The following PCTP variants were observed in gnomAD, a reference collection of about 807,000 sequenced individuals.
PCTP encodes START domain-containing protein 2.
PCTP carries 27 observed loss-of-function variants against 31.0 expected under a neutral mutation model. That is an observed-to-expected ratio of 0.87 (90% confidence interval 0.64 to 1.20). The LOEUF is 1.20. Ranked by LOEUF, PCTP falls within the 50% of genes most tolerant of loss-of-function variation. The probability of loss-of-function intolerance (pLI) is 0.00; values close to 1 mark genes in which losing one functional copy is unlikely to be tolerated. For missense variants in PCTP, 287 were observed against 268.2 expected (o/e 1.07, Z -0.49); for synonymous variants, 108 against 101.2 (o/e 1.07, Z -0.40).
chr17:55,775,947 C>T lies in PCTP; in HGVS notation c.580-88C>T, dbSNP rs538949386. On this transcript the variant is annotated intron_variant, in intron 5 of 5. Coordinates refer to ENST00000268896, the MANE Select transcript of PCTP (RefSeq NM_021213.4). The stretch of plus-strand genomic sequence containing the variant: ...CTATTCATTTTTGTTCGTCCTAAAG[C>T]CAACATTGTTTACCTTCTGCCACAT... 5 of 1,559,500 alleles carry T rather than the reference C, an allele frequency of 3.2e-6. No homozygotes were observed. In the African/African-American group the frequency reaches 6.9e-5, roughly 21 times the overall value.
At chr17:55,775,314 G>T in intron 5 of PCTP, 1 of 1,234,460 alleles carries the variant, frequency 8.1e-7, no homozygotes, top group Non-Finnish European at 1.0e-6. Context: ...CTATAAGGGA[G>T]GGAACTGCAG....
chr17:55,815,877 A>G (rs1912899002), intron 3 of PCTP, among the ~76,000 whole-genome samples: 1 of 152,112 alleles, frequency 6.6e-6, no homozygotes, highest in Non-Finnish European at 1.5e-5. Context: ...CAGAGACCTA[A>G]ACAAGACCTC....
chr17:55,851,949 A>G, the PCTP span, among the ~76,000 whole-genome samples: 136 of 152,016 alleles, frequency 8.9e-4, no homozygotes, highest in Non-Finnish European at 1.6e-3. Context: ...GCTGTGTGTC[A>G]TTATTGTTTT....
chr17:55,771,186 G>A lies in PCTP; in HGVS notation c.339+1G>A, dbSNP rs369356367. ...CCCTTTTCCCATGTCCAACAGAGAC[G>A]TATCCTTTCCACAAGGTACTCATTC... On this transcript the variant is annotated splice_donor_variant, in intron 3 of 5. Transcript: ENST00000268896. LOFTEE classifies it high-confidence loss of function. 7.1e-5 allele frequency: 114 copies of A among 1,601,678 alleles called. No homozygotes were observed. In the South Asian group the frequency reaches 8.0e-4, roughly 11 times the overall value.
At chr17:55,804,990 A>G (rs1912530055) in intron 3 of PCTP, among the ~76,000 whole-genome samples, 1 of 152,178 alleles carries the variant, frequency 6.6e-6, no homozygotes, top group Admixed American at 6.5e-5. Context: ...CCAGAAAGGT[A>G]GAACAACCAT....
At chr17:55,829,524 G>T (rs1905523897) in intron 5 of PCTP, among the ~76,000 whole-genome samples, 1 of 152,130 alleles carries the variant, frequency 6.6e-6, no homozygotes, top group Admixed American at 6.5e-5. Flanking sequence ...ACTTCAGGCT[G>T]ATCTCAAACT....
intron 3 of PCTP, among the ~76,000 whole-genome samples, chr17:55,800,083 G>A (rs142632834): frequency 0.027 from 4,085 of 152,042 alleles, 183 homozygotes; most frequent in African/African-American, 0.094. Context: ...GTATCTTTGC[G>A]GTGTTCTCTG....
At chr17:55,768,683 TTCTTCTAC>T (rs1375011546) in intron 2 of PCTP, among the ~76,000 whole-genome samples, 1 of 152,166 alleles carries the variant, frequency 6.6e-6, no homozygotes, top group Non-Finnish European at 1.5e-5. Flanking sequence ...CTAGGGTAGG[TTCTTCTAC>T]TACTAGGCGA....
In PCTP at chr17:55,784,349, A is replaced by G. The variant is rs367566310; in HGVS notation, c.229-3217A>G. On this transcript the variant is annotated intron_variant, in intron 2 of 3. Transcript: ENST00000572536. ...CCCCAATGGCTCCACATACACAGTCAGGATTGCGTCCACCATATTTCTTCC... is the reference window on the plus strand; with the variant it reads ...CCCCAATGGCTCCACATACACAGTCGGGATTGCGTCCACCATATTTCTTCC... 1.4e-4 allele frequency among the ~76,000 whole-genome samples: 21 copies of G among 152,286 alleles called. 2 individuals are homozygous for G. Among genetic ancestry groups the G allele is most frequent in the Admixed American group, 9.2e-4 (14 of 15,286 alleles).
chr17:55,797,756 T>G (rs1912232488), intron 3 of PCTP, among the ~76,000 whole-genome samples: 1 of 152,020 alleles, frequency 6.6e-6, no homozygotes, highest in Non-Finnish European at 1.5e-5. Flanking sequence ...GAAACAAAAC[T>G]GAGTCCTCTC....
At chr17:55,837,096 T>G (rs1195889975) in intron 5 of PCTP, among the ~76,000 whole-genome samples, 2 of 152,088 alleles carry the variant, frequency 1.3e-5, no homozygotes, top group Non-Finnish European at 2.9e-5. Context: ...TTGGCATATC[T>G]GAGAAATGAA....
chr17:55,832,300 G>T (rs1905628849), intron 5 of PCTP, among the ~76,000 whole-genome samples: 1 of 152,166 alleles, frequency 6.6e-6, no homozygotes, highest in East Asian at 1.9e-4. Context: ...ATTGCACAAA[G>T]TATCATGCTA....
At chr17:55,822,928 G>T in exon 4 of PCTP, 1 of 716,288 alleles carries the variant, frequency 1.4e-6, no homozygotes, top group African/African-American at 1.9e-5. Context: ...ATGGGTGCAG[G>T]TATCATTTCT....
In PCTP at chr17:55,776,317, G is replaced by T; in HGVS notation, c.*217G>T. 1 of 1,359,942 alleles carries T rather than the reference G, an allele frequency of 7.4e-7. No homozygotes were observed. The highest frequency in any genetic ancestry group is 9.4e-7 in the Non-Finnish European group (1 of 1,059,740). The allele number at this position is 1,359,942 out of a possible 1,614,324, so 84.2% of individuals were successfully genotyped here. On this transcript the variant is annotated 3_prime_UTR_variant, in exon 6 of 6. Transcript: ENST00000268896. ...TGCCTGACATCCAGCTCACTCGTCT[G>T]CTTCCTTTCTCGCTCCCCCCATCCT...
intron 1 of PCTP, among the ~76,000 whole-genome samples, chr17:55,766,363 A>G (rs1275702491): frequency 1.3e-5 from 2 of 150,116 alleles, no homozygotes; most frequent in African/African-American, 4.9e-5. Flanking sequence ...TGCACCCATT[A>G]ACTCGTCATT....
Position 55,803,903 on chromosome 17 carries a change from A to C in PCTP, c.317+16249A>C, listed in dbSNP as rs192115325. Among the ~76,000 whole-genome samples, 21 of 152,084 alleles carry C rather than the reference A, an allele frequency of 1.4e-4. No individual in the cohort carries two copies. In the East Asian group the frequency reaches 3.9e-3, roughly 28 times the overall value. On this transcript the variant is annotated intron_variant, in intron 3 of 3. Transcript: ENST00000572536. Reference sequence around the variant, plus strand: ...GAGCTTCTGCAGAGCAAAAAAAAAAAAACCAGGATCAGAGTAAACAGGCAA... The same window carrying C: ...GAGCTTCTGCAGAGCAAAAAAAAAACAACCAGGATCAGAGTAAACAGGCAA...
At chr17:55,809,375 C>A (rs1415262364) in intron 3 of PCTP, among the ~76,000 whole-genome samples, 1 of 152,126 alleles carries the variant, frequency 6.6e-6, no homozygotes, top group Non-Finnish European at 1.5e-5. Context: ...ATGTCATAAT[C>A]TCTATTTTGT....
rs117600885 is a variant in PCTP, at chr17:55,814,080, C to G, written c.318-8681C>G. Among the ~76,000 whole-genome samples, 765 of 151,466 alleles carry G rather than the reference C, an allele frequency of 5.1e-3. 2 individuals carry two copies. Among genetic ancestry groups the G allele is most frequent in the Non-Finnish European group, 8.6e-3 (586 of 67,890 alleles). ...AAAAAAAAAAAAAGAAAAATTGTTTCAAAAGAGAATTCAATGCGTCGATTA... is the reference window on the plus strand; with the variant it reads ...AAAAAAAAAAAAAGAAAAATTGTTTGAAAAGAGAATTCAATGCGTCGATTA... On this transcript the variant is annotated intron_variant, in intron 3 of 3. Transcript: ENST00000572536.
chr17:55,822,721 A>G (rs377238591), intron 3 of PCTP: 3 of 1,172,026 alleles, frequency 2.6e-6, no homozygotes, highest in Admixed American at 8.5e-5. Context: ...TTGTGGCTGT[A>G]CTTACTCTCA....
Sources: gnomAD v4.1 joint callset for allele counts (sites outside exome capture counted in the v4.1 genomes callset) on GRCh38, gnomAD v4.1.1 for gene constraint, MANE v1.5 for transcripts, NCBI Gene and HGNC (gene_info 2026-07-23, HGNC 2026-07-21) for gene names.